HECW1: variants seen among roughly 807,000 people sequenced by gnomAD.
The protein encoded by HECW1 is HECT, C2 and WW domain containing E3 ubiquitin protein ligase 1, also known as E3 ubiquitin-protein ligase HECW1.
A neutral mutation model predicts 182.3 loss-of-function variants in HECW1; 61 were observed. The observed-to-expected ratio is 0.33, with a 90% CI of 0.27 to 0.41. The LOEUF is 0.41. Among genes scored for constraint, HECW1 ranks in the 10% least tolerant of loss-of-function variants. The pLI is 1.00. For synonymous variants in HECW1, 859 were observed against 832.6 expected (o/e 1.03, Z -0.55); for missense variants, 1,739 against 2,108.9 (o/e 0.82, Z 3.44).
At chr7:43,420,273 A>G (rs2076137527) in intron 8 of HECW1, among the ~76,000 whole-genome samples, 2 of 152,364 alleles carry the variant, frequency 1.3e-5, no homozygotes, top group Non-Finnish European at 2.9e-5. Flanking sequence ...AAAGTCTTTG[A>G]AGAGGAACCT....
At chr7:43,329,147 T>G (rs1354884839) in intron 5 of HECW1, among the ~76,000 whole-genome samples, 1 of 97,496 alleles carries the variant, frequency 1.0e-5, no homozygotes, top group South Asian at 2.8e-4. Context: ...ACTCGGCCAG[T>G]TGGGAAGGAA....
At chr7:43,327,850 G>A (rs1810988630) in intron 5 of HECW1, among the ~76,000 whole-genome samples, 2 of 152,100 alleles carry the variant, frequency 1.3e-5, no homozygotes, top group Admixed American at 6.6e-5. Context: ...CTAATGGGAT[G>A]TAGAAAGAAC....
At chr7:43,374,526 G>GTTTCTAAAAAAAAAAA (rs1562902374) in intron 6 of HECW1, among the ~76,000 whole-genome samples, 2 of 123,634 alleles carry the variant, frequency 1.6e-5, no homozygotes, top group African/African-American at 7.5e-5. Context: ...AACAACAGAT[G>GTTTCTAAAAAAAAAAA]CACTTTGGGA....
chr7:43,561,280 C>T (rs777051688), intron 29 of HECW1, among the ~76,000 whole-genome samples: 3 of 152,170 alleles, frequency 2.0e-5, no homozygotes, highest in Non-Finnish European at 4.4e-5. Flanking sequence ...TGCAGCACTT[C>T]GACTTTAGGT....
At chr7:43,211,569 G>A (rs749133751) in intron 2 of HECW1, among the ~76,000 whole-genome samples, 9 of 152,108 alleles carry the variant, frequency 5.9e-5, no homozygotes, top group Non-Finnish European at 1.2e-4. Flanking sequence ...CTCAAGCATG[G>A]AGATTCTATG....
chr7:43,398,405 ACT>A (rs893732651), intron 7 of HECW1, among the ~76,000 whole-genome samples: 12 of 152,326 alleles, frequency 7.9e-5, no homozygotes, highest in African/African-American at 2.6e-4. Flanking sequence ...AAGCCTGAGG[ACT>A]CTGTTGAGCA....
chr7:43,490,878 C>A (rs1314015550), intron 17 of HECW1, among the ~76,000 whole-genome samples: 2 of 152,164 alleles, frequency 1.3e-5, no homozygotes, highest in Non-Finnish European at 2.9e-5. Context: ...GTGCCTCAGC[C>A]TTCCGAGTAG....
intron 8 of HECW1, among the ~76,000 whole-genome samples, chr7:43,420,329 TTAA>T (rs1299987921): frequency 6.6e-6 from 1 of 152,168 alleles, no homozygotes; most frequent in Admixed American, 6.5e-5. Flanking sequence ...ACTTAATATA[TTAA>T]TAATAATAAC....
At position 43,444,199 on chromosome 7, in the gene HECW1, T is replaced by C; in HGVS notation, c.1046-19T>C. 6.3e-7 allele frequency: 1 copy of C among 1,583,054 alleles called. No homozygotes were observed. The highest frequency in any genetic ancestry group is 1.3e-5 in the African/African-American group (1 of 74,152). ...GCTCTCTTCTGGGAGAAATGACATA[T>C]TTTTCTTCTTACCAGCAGATGATGA... On this transcript the variant is annotated intron_variant, in intron 10 of 29. Coordinates refer to ENST00000395891, the MANE Select transcript of HECW1 (RefSeq NM_015052.5). The surrounding 1 kb of genome is among the most constrained non-coding windows in gnomAD (Gnocchi z 4.3).
chr7:43,556,697 T>TAAA (rs201133014), intron 29 of HECW1, among the ~76,000 whole-genome samples: 1 of 144,014 alleles, frequency 6.9e-6, no homozygotes. Context: ...CAAATTAAAT[T>TAAA]AAAAAAAAAA....
intron 8 of HECW1, among the ~76,000 whole-genome samples, chr7:43,431,907 C>T (rs1180817139): frequency 4.0e-5 from 6 of 150,722 alleles, no homozygotes; most frequent in African/African-American, 1.5e-4. Flanking sequence ...GATGGAGTCT[C>T]ACTCTGTCAC....
chr7:43,290,741 C>T (rs984124678), intron 3 of HECW1, among the ~76,000 whole-genome samples: 5 of 152,366 alleles, frequency 3.3e-5, no homozygotes, highest in Non-Finnish European at 7.3e-5. Flanking sequence ...TCCATGCAGT[C>T]AGAGGGTCTC....
chr7:43,425,190 A>G (rs1259639957), intron 8 of HECW1, among the ~76,000 whole-genome samples: 2 of 151,732 alleles, frequency 1.3e-5, no homozygotes, highest in African/African-American at 4.8e-5. Flanking sequence ...GGACATTTGA[A>G]CAGAAGTGGA....
At chr7:43,309,325 C>G (rs1808211417) in intron 3 of HECW1, among the ~76,000 whole-genome samples, 3 of 152,156 alleles carry the variant, frequency 2.0e-5, no homozygotes, top group South Asian at 4.1e-4. Context: ...CAAGGGACGG[C>G]TTTGAGGCTG....
chr7:43,486,226 C>T (rs2078628955), intron 17 of HECW1, among the ~76,000 whole-genome samples: 2 of 152,108 alleles, frequency 1.3e-5, no homozygotes, highest in Admixed American at 6.5e-5. Flanking sequence ...CATAGTATTC[C>T]ATGGTGTATA....
At chr7:43,541,135 C>T (rs748887988) in intron 24 of HECW1, 28 bp from the exon 25 acceptor site, 124 of 1,554,386 alleles carry the variant, frequency 8.0e-5, no homozygotes, top group East Asian at 2.9e-4. Context: ...TTCCACTTAC[C>T]GATTTCTCTG....
chr7:43,489,062 C>T (rs2078830549), intron 17 of HECW1, among the ~76,000 whole-genome samples: 1 of 152,302 alleles, frequency 6.6e-6, no homozygotes, highest in Middle Eastern at 3.4e-3. Flanking sequence ...CTTTCTGTTT[C>T]AAAGCCTTAT....
At chr7:43,376,470 C>T (rs549271364) in intron 6 of HECW1, among the ~76,000 whole-genome samples, 4 of 152,214 alleles carry the variant, frequency 2.6e-5, no homozygotes, top group East Asian at 1.9e-4. Flanking sequence ...AGTAGGTGCC[C>T]GTGAGTTGGC....
intron 3 of HECW1, among the ~76,000 whole-genome samples, chr7:43,286,133 C>T (rs989803706): frequency 2.0e-5 from 3 of 152,138 alleles, no homozygotes; most frequent in Non-Finnish European, 4.4e-5. Context: ...AAGAGAGGAG[C>T]TCAGGACCCT....
Sources: allele counts gnomAD v4.1 joint callset (sites outside exome capture counted in the v4.1 genomes callset), GRCh38; gene constraint gnomAD v4.1.1; non-coding constraint Gnocchi (gnomAD v3.1); transcripts MANE v1.5; gene names NCBI Gene and HGNC (gene_info 2026-07-23, HGNC 2026-07-21).